The following NTRK2 variants were observed in gnomAD, a reference collection of about 807,000 sequenced individuals.
NTRK2 encodes BDNF/NT-3 growth factors receptor.
In NTRK2, 13 loss-of-function variants were observed where a neutral mutation model predicts 94.5. The observed-to-expected ratio is 0.14, with a 90% CI of 0.09 to 0.22. NTRK2 has a LOEUF of 0.22. NTRK2 is among the 10% of genes least tolerant of loss of function. The pLI, the probability that NTRK2 is intolerant of heterozygous loss-of-function variation, is 1.00. For synonymous variants in NTRK2, 372 were observed against 407.4 expected, an observed-to-expected ratio of 0.91 and a Z score of 1.05; for missense variants, 639 against 1,071.2, an observed-to-expected ratio of 0.60 and a Z score of 5.63.
intron 9 of NTRK2, among the ~76,000 whole-genome samples, chr9:84,740,574 A>G (rs543399602): frequency 1.3e-5 from 2 of 151,966 alleles, no homozygotes; most frequent in African/African-American, 2.4e-5. Context: ...ATCACATGTG[A>G]CTGCAGAGGT....
At chr9:84,793,324 G>C (rs1329321100) in intron 12 of NTRK2, among the ~76,000 whole-genome samples, 1 of 152,096 alleles carries the variant, frequency 6.6e-6, no homozygotes, top group Non-Finnish European at 1.5e-5. Flanking sequence ...GTTAGTAGGA[G>C]AGTGGAGATC....
intron 14 of NTRK2, among the ~76,000 whole-genome samples, chr9:84,891,928 T>C (rs983894599): frequency 1.3e-5 from 2 of 150,758 alleles, no homozygotes; most frequent in African/African-American, 4.8e-5. Flanking sequence ...AACTGGTTTT[T>C]TTTTTTAAAG....
At chr9:85,018,706 C>T (rs1320186331) in intron 17 of NTRK2, among the ~76,000 whole-genome samples, 1 of 152,222 alleles carries the variant, frequency 6.6e-6, no homozygotes, top group Non-Finnish European at 1.5e-5. Context: ...TCTGGTTGGT[C>T]AGTGTCTGTG....
Position 84,876,204 on chromosome 9 carries a change from A to G in NTRK2, c.1633+8773A>G, listed in dbSNP as rs1587789478. On this transcript the variant is annotated intron_variant, in intron 14 of 18. Transcript: ENST00000277120. ...AGTGCCATATTCCTAAATTTCCAAT[A>G]AAGTGGTTGATATAGAGAGGACAGG... 8 of 1,040,992 alleles carry G rather than the reference A, an allele frequency of 7.7e-6. No homozygotes were observed. The East Asian group carries it at 4.0e-4, about 53-fold the overall frequency. The allele number at this position is 1,040,992 out of a possible 1,614,324, so 64.5% of individuals were successfully genotyped here. A position where few individuals can be genotyped will look rare whatever the true frequency, so the allele number is the denominator to read the frequency against.
At chr9:84,671,310 A>G (rs529511682) in intron 2 of NTRK2, among the ~76,000 whole-genome samples, 4 of 152,140 alleles carry the variant, frequency 2.6e-5, no homozygotes, top group Non-Finnish European at 5.9e-5. Flanking sequence ...TTTTTGTTTC[A>G]TAAAGTGCTG....
chr9:84,966,206 A>C (rs1483850503), intron 17 of NTRK2, among the ~76,000 whole-genome samples: 2 of 152,212 alleles, frequency 1.3e-5, no homozygotes, highest in Non-Finnish European at 2.9e-5. Flanking sequence ...GAGGCATGGA[A>C]GTATGATCTT....
intron 14 of NTRK2, among the ~76,000 whole-genome samples, chr9:84,906,273 G>T (rs2077072813): frequency 1.3e-5 from 2 of 151,124 alleles, no homozygotes. Flanking sequence ...GGAAAAAGGG[G>T]AAGAAATGAG....
intron 10 of NTRK2, among the ~76,000 whole-genome samples, chr9:84,742,695 G>C (rs755291201): frequency 5.3e-5 from 8 of 150,754 alleles, no homozygotes; most frequent in Non-Finnish European, 1.2e-4. Flanking sequence ...CTTTAAGTCA[G>C]CTTCCCCGAA....
In NTRK2 at chr9:84,889,090, A is replaced by T. The variant is rs1282587981; in HGVS notation, c.1633+21659A>T. 3.6e-5 allele frequency among the ~76,000 whole-genome samples: 5 copies of T among 137,460 alleles called. No individual in the cohort carries two copies. The South Asian group carries it at 1.2e-3, about 32-fold the overall frequency. 90.2% of individuals were successfully genotyped at this position (137,460 alleles called of 152,430 possible). ...ACTGCAAGCTCCGCCTCCCGGGTTCACGCCATTCTCCTGCCTCAGCCTCCC... is the reference window on the plus strand; with the variant it reads ...ACTGCAAGCTCCGCCTCCCGGGTTCTCGCCATTCTCCTGCCTCAGCCTCCC... On this transcript the variant is annotated intron_variant, in intron 14 of 18. Transcript: ENST00000277120.
intron 12 of NTRK2, among the ~76,000 whole-genome samples, chr9:84,765,080 G>A (rs548302538): frequency 6.6e-6 from 1 of 152,326 alleles, no homozygotes; most frequent in African/African-American, 2.4e-5. Context: ...GGATGCGGAG[G>A]TTGTGAGGAT....
chr9:84,697,860 T>G (rs958325337), intron 2 of NTRK2, among the ~76,000 whole-genome samples: 2 of 152,200 alleles, frequency 1.3e-5, no homozygotes, highest in South Asian at 4.1e-4. Context: ...TGAGAAACCC[T>G]GGGGTCTGGC....
At chr9:84,777,609 A>C (rs768334312) in intron 12 of NTRK2, among the ~76,000 whole-genome samples, 1 of 152,208 alleles carries the variant, frequency 6.6e-6, no homozygotes, top group Non-Finnish European at 1.5e-5. Context: ...ATGTTCAGGA[A>C]CTAGTACTCA....
At chr9:84,806,339 G>A (rs996488011) in intron 12 of NTRK2, among the ~76,000 whole-genome samples, 6 of 152,198 alleles carry the variant, frequency 3.9e-5, no homozygotes, top group Non-Finnish European at 5.9e-5. Context: ...TAGTCTGAGC[G>A]TCTCAAAGGA....
Position 84,888,611 on chromosome 9 carries a change from C to CAAAAAAAAAAAA in NTRK2, c.1633+21207_1633+21218dup, listed in dbSNP as rs71369158. Among the ~76,000 whole-genome samples the CAAAAAAAAAAAA allele has an allele frequency of 2.4e-4, 8 of 33,848 alleles. 2 individuals are homozygous for CAAAAAAAAAAAA. Among genetic ancestry groups the CAAAAAAAAAAAA allele is most frequent in the East Asian group, 5.4e-3 (2 of 372 alleles). 22.2% of individuals were successfully genotyped at this position (33,848 alleles called of 152,430 possible). On this transcript the variant is annotated intron_variant, in intron 14 of 18. Transcript: ENST00000277120. ...CTGGCGACAGAGCAACACTCCATCT[C>CAAAAAAAAAAAA]AAAAAAAAAAAAAAAAAAAAAAAAA...
chr9:84,858,586 C>T (rs1020927337), intron 12 of NTRK2, among the ~76,000 whole-genome samples: 1 of 151,790 alleles, frequency 6.6e-6, no homozygotes, highest in African/African-American at 2.4e-5. Context: ...CCTCTGAGCC[C>T]TCTTTCTCGA....
chr9:85,016,288 C>T (rs955339636), intron 17 of NTRK2, among the ~76,000 whole-genome samples: 2 of 152,168 alleles, frequency 1.3e-5, no homozygotes, highest in Non-Finnish European at 2.9e-5. Context: ...ACTCCAGTCT[C>T]TTGGGTTGAG....
intron 12 of NTRK2, among the ~76,000 whole-genome samples, chr9:84,834,340 A>C (rs936140064): frequency 5.3e-5 from 8 of 152,214 alleles, no homozygotes; most frequent in African/African-American, 1.7e-4. Context: ...AGTTAAATCA[A>C]ATCAATTTAA....
At chr9:84,725,517 GAAGGT>G (rs2062382819) in intron 8 of NTRK2, among the ~76,000 whole-genome samples, 1 of 152,042 alleles carries the variant, frequency 6.6e-6, no homozygotes, top group African/African-American at 2.4e-5. Flanking sequence ...CTGGTGGGAG[GAAGGT>G]AAGTGTGGCC....
At chr9:84,848,632 C>T (rs1040233248) in intron 12 of NTRK2, among the ~76,000 whole-genome samples, 5 of 152,192 alleles carry the variant, frequency 3.3e-5, no homozygotes, top group Admixed American at 6.5e-5. Flanking sequence ...ACAAGAAAGC[C>T]GGAAGTCTGA....
Sources: allele counts gnomAD v4.1 joint callset (sites outside exome capture counted in the v4.1 genomes callset), GRCh38; gene constraint gnomAD v4.1.1; transcripts MANE v1.5; gene names NCBI Gene and HGNC (gene_info 2026-07-23, HGNC 2026-07-21).